SPAG16: variants seen among roughly 807,000 people sequenced by gnomAD.
SPAG16 encodes the protein sperm-associated antigen 16 protein.
A neutral mutation model predicts 80.4 loss-of-function variants in SPAG16; 86 were observed. That is an observed-to-expected ratio of 1.07 (90% confidence interval 0.90 to 1.28). The LOEUF (loss-of-function observed/expected upper bound fraction) is 1.28, where lower values mean the gene tolerates loss of function less well. Among genes scored for constraint, SPAG16 ranks in the 50% most tolerant of loss-of-function variants. The probability of loss-of-function intolerance (pLI) is 0.00; values close to 1 mark genes in which losing one functional copy is unlikely to be tolerated. For missense variants in SPAG16, 870 were observed against 765.3 expected, an observed-to-expected ratio of 1.14 and a Z score of -1.61; for synonymous variants, 294 against 265.9, an observed-to-expected ratio of 1.11 and a Z score of -1.03.
At chr2:213,445,592 A>C (rs1264952497) in intron 9 of SPAG16, among the ~76,000 whole-genome samples, 1 of 152,080 alleles carries the variant, frequency 6.6e-6, no homozygotes, top group African/African-American at 2.4e-5. Context: ...CTTGAACCCG[A>C]GAGGTGGAGG....
intron 10 of SPAG16, among the ~76,000 whole-genome samples, chr2:213,497,617 A>G (rs1297307199): frequency 6.6e-6 from 1 of 152,000 alleles, no homozygotes; most frequent in Non-Finnish European, 1.5e-5. Context: ...TTAATTATCT[A>G]GATCTATATT....
intron 10 of SPAG16, among the ~76,000 whole-genome samples, chr2:213,764,346 G>A (rs1395616118): frequency 6.6e-6 from 1 of 150,942 alleles, no homozygotes; most frequent in East Asian, 1.9e-4. Flanking sequence ...TGCTTTATCA[G>A]CATGGGTGAC....
intron 12 of SPAG16, among the ~76,000 whole-genome samples, chr2:213,997,326 A>T (rs1444887373): frequency 5.3e-5 from 8 of 152,232 alleles, no homozygotes; most frequent in African/African-American, 1.9e-4. Flanking sequence ...TTTGAACATG[A>T]TTAAATGTGA....
chr2:213,400,427 A>G lies in SPAG16; in HGVS notation c.942+25308A>G, dbSNP rs180756395. ...GTGGCTTATGTAGAGGACATTTTCAAATTTACATATGCATGGGTTTTGGGT... is the reference window on the plus strand; with the variant it reads ...GTGGCTTATGTAGAGGACATTTTCAGATTTACATATGCATGGGTTTTGGGT... On this transcript the variant is annotated intron_variant, in intron 9 of 15. Coordinates refer to ENST00000331683, the MANE Select transcript of SPAG16 (RefSeq NM_024532.5). Among the ~76,000 whole-genome samples the G allele has an allele frequency of 3.5e-3, 539 of 152,160 alleles. 5 individuals carry two copies. The highest frequency in any genetic ancestry group is 0.012 in the African/African-American group (507 of 41,514).
chr2:214,351,497 C>G (rs1576852340), intron 15 of SPAG16, among the ~76,000 whole-genome samples: 1 of 151,428 alleles, frequency 6.6e-6, no homozygotes, highest in Non-Finnish European at 1.5e-5. Context: ...GTCAGGAGAT[C>G]GAGACCATCC....
At chr2:213,847,552 C>T (rs562561402) in intron 10 of SPAG16, among the ~76,000 whole-genome samples, 23 of 152,246 alleles carry the variant, frequency 1.5e-4, no homozygotes, top group Non-Finnish European at 1.5e-4. Flanking sequence ...ACCAAAGGGA[C>T]GGTCCAAGCC....
At chr2:213,712,903 G>A (rs892509480) in intron 10 of SPAG16, among the ~76,000 whole-genome samples, 1 of 152,142 alleles carries the variant, frequency 6.6e-6, no homozygotes, top group Admixed American at 6.5e-5. Context: ...TTCTCATACT[G>A]CTACGAAGAA....
intron 10 of SPAG16, among the ~76,000 whole-genome samples, chr2:213,833,913 T>C (rs2073939749): frequency 6.6e-6 from 1 of 151,706 alleles, no homozygotes; most frequent in African/African-American, 2.4e-5. Context: ...ACAGATGATA[T>C]GGTTTGGCTG....
intron 15 of SPAG16, among the ~76,000 whole-genome samples, chr2:214,321,546 C>G (rs1381082673): frequency 6.6e-6 from 1 of 152,298 alleles, no homozygotes; most frequent in East Asian, 1.9e-4. Context: ...CACAATTGCT[C>G]TATTCCCCAA....
At chr2:213,667,856 G>A (rs931107131) in intron 10 of SPAG16, among the ~76,000 whole-genome samples, 1 of 151,752 alleles carries the variant, frequency 6.6e-6, no homozygotes, top group African/African-American at 2.4e-5. Context: ...TTTTCCAGAG[G>A]GTGGTGAGGT....
At chr2:213,748,978 C>A (rs570485261) in intron 10 of SPAG16, among the ~76,000 whole-genome samples, 1 of 152,184 alleles carries the variant, frequency 6.6e-6, no homozygotes. Context: ...GAAACCCTGT[C>A]TCTATTAAAA....
intron 10 of SPAG16, among the ~76,000 whole-genome samples, chr2:213,820,190 C>G (rs1355965533): frequency 1.3e-5 from 2 of 151,778 alleles, no homozygotes; most frequent in African/African-American, 2.4e-5. Context: ...CCTCCTACTT[C>G]CAGCCTCCCA....
intron 10 of SPAG16, among the ~76,000 whole-genome samples, chr2:213,694,635 T>C (rs1409952467): frequency 6.6e-6 from 1 of 152,140 alleles, no homozygotes; most frequent in Non-Finnish European, 1.5e-5. Flanking sequence ...AATCTGGACA[T>C]TGCTGTTACC....
intron 10 of SPAG16, among the ~76,000 whole-genome samples, chr2:213,497,899 A>G (rs1406990273): frequency 1.3e-5 from 2 of 152,126 alleles, no homozygotes; most frequent in African/African-American, 2.4e-5. Context: ...TCCAATAAAT[A>G]TAGAAAGCAT....
chr2:213,304,848 A>G (rs2062877437), intron 3 of SPAG16, among the ~76,000 whole-genome samples: 1 of 152,090 alleles, frequency 6.6e-6, no homozygotes, highest in Non-Finnish European at 1.5e-5. Context: ...GCTTTGGCTA[A>G]TGTGGGACTT....
chr2:214,393,335 T>G (rs1047397966), intron 15 of SPAG16, among the ~76,000 whole-genome samples: 4 of 152,194 alleles, frequency 2.6e-5, no homozygotes. Flanking sequence ...TGTCTTGCCA[T>G]GTCCCATCTA....
At chr2:214,266,582 T>C (rs1298778447) in intron 15 of SPAG16, among the ~76,000 whole-genome samples, 1 of 151,580 alleles carries the variant, frequency 6.6e-6, no homozygotes. Flanking sequence ...ATACTGAAAA[T>C]CCAAGACAGG....
chr2:213,366,574 C>G (rs2066302536), intron 8 of SPAG16, among the ~76,000 whole-genome samples: 1 of 152,092 alleles, frequency 6.6e-6, no homozygotes, highest in Non-Finnish European at 1.5e-5. Flanking sequence ...ACCATCAGAT[C>G]TTGTGAGATT....
At chr2:213,893,952 G>T (rs950722553) in intron 11 of SPAG16, among the ~76,000 whole-genome samples, 1 of 152,050 alleles carries the variant, frequency 6.6e-6, no homozygotes, top group Admixed American at 6.6e-5. Flanking sequence ...AAAAGGCATA[G>T]AATAGCTGAA....
Sources: allele counts gnomAD v4.1 joint callset (sites outside exome capture counted in the v4.1 genomes callset), GRCh38; gene constraint gnomAD v4.1.1; transcripts MANE v1.5; gene names NCBI Gene and HGNC (gene_info 2026-07-23, HGNC 2026-07-21).